RASAL2: variants seen among roughly 807,000 people sequenced by gnomAD.
RASAL2 encodes the protein ras GTPase-activating protein nGAP.
Under a neutral mutation model 128.9 loss-of-function variants are expected in RASAL2, and 58 were observed. The observed-to-expected ratio is 0.45, with a 90% CI of 0.36 to 0.56. RASAL2 has a LOEUF of 0.56. Ranked by LOEUF, RASAL2 falls within the 20% of genes least tolerant of loss-of-function variation. The pLI is 0.00. For missense variants in RASAL2, 1,360 were observed against 1,601.6 expected (o/e 0.85, Z 2.57); for synonymous variants, 561 against 580.8 (o/e 0.97, Z 0.49).
intron 1 of RASAL2, among the ~76,000 whole-genome samples, chr1:178,236,091 G>A (rs1466584072): frequency 6.6e-6 from 1 of 152,014 alleles, no homozygotes; most frequent in Non-Finnish European, 1.5e-5. Context: ...TACTGGAATT[G>A]GAAAGCTATT....
intron 3 of RASAL2, among the ~76,000 whole-genome samples, chr1:178,340,801 A>T (rs1208875909): frequency 6.6e-6 from 1 of 152,194 alleles, no homozygotes; most frequent in African/African-American, 2.4e-5. Context: ...TGCCTTTAGT[A>T]GTCAACACTG....
intron 1 of RASAL2, among the ~76,000 whole-genome samples, chr1:178,220,790 G>T (rs1663587146): frequency 6.6e-6 from 1 of 152,110 alleles, no homozygotes; most frequent in South Asian, 2.1e-4. Context: ...CAGTTGTCTG[G>T]ATGTACCAAG....
At chr1:178,242,403 A>G (rs1664538731) in intron 1 of RASAL2, among the ~76,000 whole-genome samples, 1 of 149,082 alleles carries the variant, frequency 6.7e-6, no homozygotes, top group African/African-American at 2.5e-5. Context: ...AGGTCTGCTA[A>G]TGACAATTTT....
intron 3 of RASAL2, among the ~76,000 whole-genome samples, chr1:178,314,068 A>G (rs766927009): frequency 6.6e-6 from 1 of 152,218 alleles, no homozygotes; most frequent in Admixed American, 6.5e-5. Context: ...TGCTGTGCCT[A>G]TGATTTAATG....
chr1:178,096,747 TTTCTC>T (rs1208660938), intron 1 of RASAL2, among the ~76,000 whole-genome samples: 7 of 152,154 alleles, frequency 4.6e-5, no homozygotes, highest in African/African-American at 7.2e-5. Context: ...CTTTTTTTGT[TTTCTC>T]TATCAATTAA....
At chr1:178,383,049 G>GA (rs1303006336) in intron 3 of RASAL2, among the ~76,000 whole-genome samples, 4 of 151,992 alleles carry the variant, frequency 2.6e-5, no homozygotes, top group East Asian at 1.9e-4. Flanking sequence ...CTTGGCTGGG[G>GA]AAAAAAATTG....
chr1:178,469,187 CT>C (rs779012039), intron 17 of RASAL2, among the ~76,000 whole-genome samples: 1 of 152,014 alleles, frequency 6.6e-6, no homozygotes, highest in Non-Finnish European at 1.5e-5. Context: ...GTCCCAGCTG[CT>C]TGGGGGGCTG....
intron 3 of RASAL2, among the ~76,000 whole-genome samples, chr1:178,312,788 A>G (rs564528650): frequency 3.3e-4 from 51 of 152,358 alleles, no homozygotes; most frequent in African/African-American, 1.2e-3. Flanking sequence ...ATTAACAATA[A>G]GCATATAGAT....
intron 5 of RASAL2, among the ~76,000 whole-genome samples, chr1:178,421,120 T>A (rs1675115852): frequency 6.6e-6 from 1 of 152,024 alleles, no homozygotes; most frequent in South Asian, 2.1e-4. Flanking sequence ...AGCTAGTAAA[T>A]AGCAAAAATG....
At chr1:178,162,331 TAA>T in intron 1 of RASAL2, among the ~76,000 whole-genome samples, 1 of 129,398 alleles carries the variant, frequency 7.7e-6, no homozygotes, top group Non-Finnish European at 1.6e-5. Context: ...ATTATATTTA[TAA>T]TATATATTAT....
At chr1:178,305,953 G>A (rs2102286151) in intron 3 of RASAL2, among the ~76,000 whole-genome samples, 1 of 152,288 alleles carries the variant, frequency 6.6e-6, no homozygotes, top group Admixed American at 6.5e-5. Context: ...TTCCAAATAA[G>A]CAAATTGAGA....
At chr1:178,358,287 G>A (rs964289801) in intron 3 of RASAL2, among the ~76,000 whole-genome samples, 57 of 120,364 alleles carry the variant, frequency 4.7e-4, no homozygotes, top group African/African-American at 1.7e-3. Context: ...CAAACAAGAA[G>A]TATTGACTAT....
At chr1:178,417,552 G>A (rs906600133) in intron 4 of RASAL2, among the ~76,000 whole-genome samples, 10 of 151,838 alleles carry the variant, frequency 6.6e-5, no homozygotes, top group Middle Eastern at 3.4e-3. Context: ...ACCTGAGGTC[G>A]GAAGTTCAAG....
chr1:178,279,712 T>C (rs1666691690), intron 1 of RASAL2, among the ~76,000 whole-genome samples: 2 of 152,178 alleles, frequency 1.3e-5, no homozygotes, highest in Admixed American at 6.6e-5. Flanking sequence ...CATAAACTTA[T>C]CACTTCAGGG....
At chr1:178,330,541 T>C (rs115717249) in intron 3 of RASAL2, among the ~76,000 whole-genome samples, 2,095 of 152,296 alleles carry the variant, frequency 0.014, 27 homozygotes, top group Admixed American at 0.04. Context: ...GACAAAGTTA[T>C]AGACTTTTTC....
intron 9 of RASAL2, among the ~76,000 whole-genome samples, chr1:178,449,296 C>T (rs1677220114): frequency 6.6e-6 from 1 of 152,068 alleles, no homozygotes; most frequent in African/African-American, 2.4e-5. Flanking sequence ...TCAGATTGCA[C>T]CTTGGTATCC....
chr1:178,371,645 C>T (rs557776029), intron 3 of RASAL2, among the ~76,000 whole-genome samples: 2 of 152,114 alleles, frequency 1.3e-5, no homozygotes, highest in African/African-American at 4.8e-5. Flanking sequence ...AGGAAATCTT[C>T]GTAAAGGGGG....
chr1:178,225,096 T>C (rs908300898), intron 1 of RASAL2, among the ~76,000 whole-genome samples: 2 of 151,978 alleles, frequency 1.3e-5, no homozygotes, highest in Admixed American at 1.3e-4. Context: ...ACAGGTCCCT[T>C]TTGTCTGGCT....
intron 1 of RASAL2, among the ~76,000 whole-genome samples, chr1:178,256,857 A>G (rs925440630): frequency 2.0e-5 from 3 of 152,046 alleles, no homozygotes; most frequent in African/African-American, 7.2e-5. Context: ...GTATTTTAGT[A>G]GAGATGGGGT....
Sources: allele counts gnomAD v4.1 joint callset (sites outside exome capture counted in the v4.1 genomes callset), GRCh38; gene constraint gnomAD v4.1.1; transcripts MANE v1.5; gene names NCBI Gene and HGNC (gene_info 2026-07-23, HGNC 2026-07-21).